The following BTNL8 variants were observed in gnomAD, a reference collection of about 807,000 sequenced individuals.
BTNL8 encodes butyrophilin like 8.
In BTNL8, 22 loss-of-function variants were observed where a neutral mutation model predicts 36.1. The ratio of observed to expected loss-of-function variants is 0.61; its 90% CI spans 0.44 to 0.87. The LOEUF (loss-of-function observed/expected upper bound fraction) is 0.87. BTNL8 is among the 40% of genes least tolerant of loss of function. The pLI is 0.00. For missense variants in BTNL8, 526 were observed against 616.9 expected, an observed-to-expected ratio of 0.85 and a Z score of 1.56; for synonymous variants, 203 against 235.6, an observed-to-expected ratio of 0.86 and a Z score of 1.27.
intron 3 of BTNL8, among the ~76,000 whole-genome samples, chr5:180,934,651 T>C (rs1003863748): frequency 6.6e-6 from 1 of 152,192 alleles, no homozygotes; most frequent in Admixed American, 6.5e-5. Context: ...TGCAAGTAGC[T>C]TCCACTGTAG....
chr5:180,926,248 G>C (rs1758091625), intron 3 of BTNL8, among the ~76,000 whole-genome samples: 1 of 152,176 alleles, frequency 6.6e-6, no homozygotes, highest in Admixed American at 6.5e-5. Flanking sequence ...TCATAGCCAA[G>C]GGAAGATGTG....
intron 1 of BTNL8, chr5:180,902,446 A>G (rs1456841571): frequency 6.6e-7 from 1 of 1,525,940 alleles, no homozygotes; most frequent in East Asian, 2.5e-5. Context: ...TAGGATTGTG[A>G]TGAATGTTTC....
chr5:180,921,660 TAC>T (rs201708722), intron 3 of BTNL8, among the ~76,000 whole-genome samples: 18,265 of 145,988 alleles, frequency 0.13, 1,195 homozygotes, highest in Admixed American at 0.18. Flanking sequence ...CTGCTCATAC[TAC>T]ACACACACAC....
At chr5:180,936,623 G>A (rs549391477) in intron 3 of BTNL8, among the ~76,000 whole-genome samples, 1 of 152,326 alleles carries the variant, frequency 6.6e-6, no homozygotes, top group Admixed American at 6.5e-5. Context: ...GTTCATAATT[G>A]GAAGAATTAA....
chr5:180,946,450 T>A (rs1414077757), intron 3 of BTNL8, among the ~76,000 whole-genome samples: 1 of 152,178 alleles, frequency 6.6e-6, no homozygotes, highest in African/African-American at 2.4e-5. Context: ...GGATGGACAT[T>A]TTGTCGTTTG....
rs1480776057 is a variant in BTNL8, at chr5:180,950,726, C to T, written c.*182C>T. 1.9e-5 allele frequency: 12 copies of T among 648,016 alleles called. 3 individuals carry two copies. Among genetic ancestry groups the T allele is most frequent in the Middle Eastern group, 8.5e-4 (2 of 2,354 alleles). The allele number at this position is 648,016 out of a possible 1,614,324, so 40.1% of individuals were successfully genotyped here. The stretch of plus-strand genomic sequence containing the variant: ...GAAGGCTGACATTACATTTAGTTTG[C>T]TCTCACTCCATCTGGCTAAGTGATC... On this transcript the variant is annotated 3_prime_UTR_variant, in exon 8 of 8. Transcript: ENST00000340184.
In BTNL8 at chr5:180,941,189, GA is replaced by G. The variant is rs368507872; in HGVS notation, c.674-6319del. Among the ~76,000 whole-genome samples the G allele has an allele frequency of 1.4e-4, 22 of 152,094 alleles. No homozygotes were observed. In the East Asian group the frequency reaches 2.7e-3, roughly 19 times the overall value. On this transcript the variant is annotated intron_variant, in intron 3 of 7. Transcript: ENST00000340184. ...AGAACTAGTATATGCCAACAAGTTG[GA>G]AAATGTAAAAGAAGTAGATAAACTC...
At chr5:180,942,734 T>C (rs1036259133) in intron 3 of BTNL8, among the ~76,000 whole-genome samples, 1 of 152,142 alleles carries the variant, frequency 6.6e-6, no homozygotes, top group Admixed American at 6.5e-5. Flanking sequence ...CTAGTATCAA[T>C]ATGCAGAAGA....
intron 3 of BTNL8, among the ~76,000 whole-genome samples, chr5:180,916,617 T>C (rs7706571): frequency 0.24 from 35,990 of 152,098 alleles, 4,950 homozygotes; most frequent in Admixed American, 0.3. Flanking sequence ...ATAAATAGAA[T>C]TATAAATAAA....
chr5:180,933,962 T>C (rs1758520756), intron 3 of BTNL8, among the ~76,000 whole-genome samples: 1 of 145,174 alleles, frequency 6.9e-6, no homozygotes, highest in South Asian at 2.1e-4. Flanking sequence ...CTGATACCAA[T>C]ATCAGACAAG....
chr5:180,909,018 A>G, intron 2 of BTNL8, 85 bp downstream of exon 2: 1 of 1,357,212 alleles, frequency 7.4e-7, no homozygotes, highest in Non-Finnish European at 1.0e-6. Context: ...AAATTTTAAA[A>G]TTTTAGGTCA....
At chr5:180,922,998 T>C (rs1313368894) in intron 3 of BTNL8, among the ~76,000 whole-genome samples, 1 of 152,178 alleles carries the variant, frequency 6.6e-6, no homozygotes, top group Non-Finnish European at 1.5e-5. Flanking sequence ...TCTCAAATTA[T>C]AATTGCAACT....
chr5:180,941,120 GGAAGGA>G (rs1758921247), intron 3 of BTNL8, among the ~76,000 whole-genome samples: 4 of 90,254 alleles, frequency 4.4e-5, no homozygotes, highest in Non-Finnish European at 1.2e-4. Flanking sequence ...GAGGAAGGAA[GGAAGGA>G]AGGAAGGAAG....
chr5:180,919,583 C>T (rs151100627), intron 3 of BTNL8, among the ~76,000 whole-genome samples: 346 of 152,188 alleles, frequency 2.3e-3, no homozygotes, highest in African/African-American at 8.0e-3. Context: ...TAATAAAAAG[C>T]AACCAAATCA....
chr5:180,949,702 GAGACATATCT>G lies in BTNL8; in HGVS notation c.863-195_863-186del, dbSNP rs1261143140. The G allele has an allele frequency of 3.1e-6, 2 of 653,404 alleles. 1 individual carries two copies. The highest frequency in any genetic ancestry group is 6.8e-5 in the Admixed American group (2 of 29,402). 40.5% of individuals were successfully genotyped at this position (653,404 alleles called of 1,614,324 possible). A position where few individuals can be genotyped will look rare whatever the true frequency, so the allele number is the denominator to read the frequency against. On this transcript the variant is annotated intron_variant, in intron 7 of 7. Transcript: ENST00000340184. Reference sequence around the variant, plus strand: ...TATGCCGAGATTGGGACGTCATATTGAGACATATCTAGACATTGATGAGTCCTCCAGGCTG... The same window carrying G: ...TATGCCGAGATTGGGACGTCATATTGAGACATTGATGAGTCCTCCAGGCTG...
intron 3 of BTNL8, among the ~76,000 whole-genome samples, chr5:180,912,631 A>C (rs1757452952): frequency 6.6e-6 from 1 of 152,224 alleles, no homozygotes; most frequent in Middle Eastern, 3.4e-3. Context: ...CAGGAGGCTG[A>C]GGTGGGAGGA....
chr5:180,947,171 C>T (rs575059461), intron 3 of BTNL8, among the ~76,000 whole-genome samples: 1 of 152,218 alleles, frequency 6.6e-6, no homozygotes, highest in East Asian at 1.9e-4. Context: ...ATTATTGGCA[C>T]AAAAGTGGAC....
intron 3 of BTNL8, among the ~76,000 whole-genome samples, chr5:180,941,151 A>AGGAAGGAG (rs774010123): frequency 1.3e-5 from 2 of 151,206 alleles, no homozygotes; most frequent in Admixed American, 6.6e-5. Flanking sequence ...GAAGGAAGGA[A>AGGAAGGAG]GGAGAGAAAG....
chr5:180,937,701 A>G (rs1314449731), intron 3 of BTNL8, among the ~76,000 whole-genome samples: 1 of 152,194 alleles, frequency 6.6e-6, no homozygotes, highest in Non-Finnish European at 1.5e-5. Flanking sequence ...GCAGATATCA[A>G]TGTAGGAACC....
Sources: allele counts gnomAD v4.1 joint callset (sites outside exome capture counted in the v4.1 genomes callset), GRCh38; gene constraint gnomAD v4.1.1; transcripts MANE v1.5; gene names NCBI Gene and HGNC (gene_info 2026-07-23, HGNC 2026-07-21).